Variants in NPR3 observed in about 807,000 individuals in gnomAD.
NPR3 encodes the protein atrial natriuretic peptide receptor 3.
NPR3 carries 34 observed loss-of-function variants against 54.5 expected under a neutral mutation model. The ratio of observed to expected loss-of-function variants is 0.62; its 90% CI spans 0.47 to 0.83. The LOEUF (loss-of-function observed/expected upper bound fraction) is 0.83, where lower values mean the gene tolerates loss of function less well. Among genes scored for constraint, NPR3 ranks in the 40% least tolerant of loss-of-function variants. The probability of loss-of-function intolerance (pLI) is 0.00; values close to 1 mark genes in which losing one functional copy is unlikely to be tolerated. For synonymous variants in NPR3, 289 were observed against 297.1 expected (o/e 0.97, Z 0.28); for missense variants, 674 against 720.8 (o/e 0.94, Z 0.74).
intron 1 of NPR3, among the ~76,000 whole-genome samples, chr5:32,695,925 C>G (rs769196092): frequency 6.6e-6 from 1 of 151,914 alleles, no homozygotes; most frequent in African/African-American, 2.4e-5. Context: ...AATTATTAAT[C>G]CCTTGTCAGA....
At chr5:32,773,567 G>A (rs1182789434) in intron 3 of NPR3, among the ~76,000 whole-genome samples, 1 of 152,156 alleles carries the variant, frequency 6.6e-6, no homozygotes, top group Admixed American at 6.6e-5. Context: ...AATGTGCCCT[G>A]ACTGTGTGTT....
chr5:32,750,341 G>A (rs1003150949), intron 3 of NPR3, among the ~76,000 whole-genome samples: 4 of 151,992 alleles, frequency 2.6e-5, no homozygotes, highest in African/African-American at 7.3e-5. Flanking sequence ...TCACCATGTC[G>A]GTCAGGCTTG....
At chr5:32,749,781 G>C (rs912799827) in intron 3 of NPR3, among the ~76,000 whole-genome samples, 1 of 152,140 alleles carries the variant, frequency 6.6e-6, no homozygotes, top group Admixed American at 6.5e-5. Flanking sequence ...GTACCTTCCT[G>C]TTCAGATCTT....
chr5:32,780,626 G>A (rs1235779104), intron 4 of NPR3, 96 bp from the exon 5 acceptor site: 17 of 770,380 alleles, frequency 2.2e-5, no homozygotes, highest in Non-Finnish European at 3.8e-5. Context: ...GCATGAGTTT[G>A]TTTAAAAAAT....
intron 7 of NPR3, among the ~76,000 whole-genome samples, chr5:32,785,355 T>C (rs931990432): frequency 2.6e-5 from 4 of 152,048 alleles, no homozygotes; most frequent in Admixed American, 2.6e-4. Flanking sequence ...TTCACCATGT[T>C]GGCCAGGTTG....
chr5:32,778,533 G>A (rs1405254789), intron 4 of NPR3, among the ~76,000 whole-genome samples: 1 of 152,170 alleles, frequency 6.6e-6, no homozygotes, highest in Non-Finnish European at 1.5e-5. Flanking sequence ...TTCAATAAAT[G>A]GCCTGGGAAG....
intron 3 of NPR3, among the ~76,000 whole-genome samples, chr5:32,752,410 G>GA (rs1352026431): frequency 1.3e-5 from 2 of 152,114 alleles, no homozygotes; most frequent in African/African-American, 2.4e-5. Context: ...TACTCCTAGA[G>GA]AAAAAATTTT....
chr5:32,710,463 C>A, upstream of NPR3: 1 of 464,666 alleles, frequency 2.2e-6, no homozygotes, highest in South Asian at 5.4e-5. Context: ...TTGAACCATT[C>A]CCTCGCCTTT....
Position 32,711,566 on chromosome 5 carries a change from CTTTTTT to C in NPR3, c.-206_-201del. The C allele has an allele frequency of 3.6e-6, 4 of 1,120,978 alleles. No homozygotes were observed. The South Asian group carries it at 1.3e-4, about 37-fold the overall frequency. 69.4% of individuals were successfully genotyped at this position (1,120,978 alleles called of 1,614,324 possible). On this transcript the variant is annotated 5_prime_UTR_variant, in exon 1 of 8. Transcript: ENST00000265074. ...CGGTGAACTTTTTCTTTTTCTTTTT[CTTTTTT>C]TTTTAAGAAAAACTAGTGACATTGC...
rs116072900 is a variant in NPR3 at position 32,740,930 on chromosome 5, A to C, written c.1059+1900A>C. On this transcript the variant is annotated intron_variant, in intron 3 of 7. Coordinates refer to ENST00000265074, the MANE Select transcript of NPR3 (RefSeq NM_001204375.2). ...CATCATCCAAATCCTTTGTCTCAGA[A>C]ATATGAAAGAACACAAAGGGTACTG... 4.1e-3 allele frequency among the ~76,000 whole-genome samples: 621 copies of C among 152,194 alleles called. 4 individuals carry two copies. Among genetic ancestry groups the C allele is most frequent in the African/African-American group, 0.014 (591 of 41,538 alleles).
rs1056900112 is a variant in NPR3 at position 32,789,888 on chromosome 5, GC to G, written c.*3545del. ...TTTGGGAGATCAAATAGAGTATTAT[GC>G]CACTGTGAGTGTTTATAAACTGGAA... On this transcript the variant is annotated 3_prime_UTR_variant, in exon 8 of 8. Transcript: ENST00000265074. The G allele has an allele frequency of 4.8e-6, 2 of 414,658 alleles. No homozygotes were observed. The highest frequency in any genetic ancestry group is 9.8e-6 in the Non-Finnish European group (2 of 203,280). The allele number at this position is 414,658 out of a possible 1,614,324, so 25.7% of individuals were successfully genotyped here.
chr5:32,699,580 C>G (rs73067037), intron 1 of NPR3, among the ~76,000 whole-genome samples: 1,698 of 152,288 alleles, frequency 0.011, 28 homozygotes, highest in African/African-American at 0.039. Context: ...AAACTCTGCA[C>G]TTTAACTTCA....
chr5:32,709,988 A>G (rs898803401), upstream of NPR3: 1 of 152,202 alleles, frequency 6.6e-6, no homozygotes, highest in East Asian at 1.9e-4. Flanking sequence ...CACATTTTCA[A>G]TGTATTTAAA....
intron 3 of NPR3, among the ~76,000 whole-genome samples, chr5:32,772,599 G>A (rs1264451924): frequency 2.6e-5 from 4 of 152,154 alleles, no homozygotes; most frequent in Non-Finnish European, 2.9e-5. Flanking sequence ...TGTAAAATGG[G>A]CCAATAACAT....
At chr5:32,691,023 C>G (rs905205319) in intron 1 of NPR3, among the ~76,000 whole-genome samples, 2 of 152,186 alleles carry the variant, frequency 1.3e-5, no homozygotes, top group African/African-American at 2.4e-5. Context: ...AGTGAGACAG[C>G]TCACTGTAAC....
intron 4 of NPR3, among the ~76,000 whole-genome samples, chr5:32,780,271 G>A (rs1449354221): frequency 6.6e-6 from 1 of 152,136 alleles, no homozygotes; most frequent in African/African-American, 2.4e-5. Flanking sequence ...AAAGCAGCCT[G>A]GAGAAAAGCA....
At chr5:32,733,832 A>C (rs1477129939) in intron 2 of NPR3, among the ~76,000 whole-genome samples, 1 of 152,138 alleles carries the variant, frequency 6.6e-6, no homozygotes, top group Non-Finnish European at 1.5e-5. Context: ...TTTGTCAATC[A>C]CCGCATATGC....
intron 3 of NPR3, among the ~76,000 whole-genome samples, chr5:32,763,982 A>G (rs981569517): frequency 1.3e-5 from 2 of 152,228 alleles, no homozygotes; most frequent in African/African-American, 4.8e-5. Context: ...GTCTTTGGAC[A>G]TAGTCTTGAC....
intron 1 of NPR3, among the ~76,000 whole-genome samples, chr5:32,704,357 T>C (rs986284763): frequency 6.8e-6 from 1 of 146,218 alleles, no homozygotes. Context: ...TTATGAAGTG[T>C]TCTTTTGGCT....
Sources: allele counts gnomAD v4.1 joint callset (sites outside exome capture counted in the v4.1 genomes callset), GRCh38; gene constraint gnomAD v4.1.1; transcripts MANE v1.5; gene names NCBI Gene and HGNC (gene_info 2026-07-23, HGNC 2026-07-21).